The following UBE2B variants were observed in gnomAD, a reference collection of about 807,000 sequenced individuals.
UBE2B encodes the protein ubiquitin-conjugating enzyme E2 B.
UBE2B carries 11 observed loss-of-function variants against 24.6 expected under a neutral mutation model. The observed-to-expected ratio is 0.45, with a 90% confidence interval of 0.28 to 0.74. The LOEUF (loss-of-function observed/expected upper bound fraction) is 0.74, where lower values mean the gene tolerates loss of function less well. Among genes scored for constraint, UBE2B ranks in the 30% least tolerant of loss-of-function variants. UBE2B has a pLI of 0.13. For missense variants in UBE2B, 78 were observed against 185.6 expected (o/e 0.42, Z 3.37); for synonymous variants, 68 against 62.4 (o/e 1.09, Z -0.42).
chr5:134,372,026 G>A (rs971584034), intron 1 of UBE2B, among the ~76,000 whole-genome samples: 1 of 152,178 alleles, frequency 6.6e-6, no homozygotes, highest in East Asian at 1.9e-4. Context: ...GTTCCTCTCC[G>A]GCAGCACCAG....
In UBE2B at chr5:134,378,290, C is replaced by T. The variant is rs190075215; in HGVS notation, c.151+1596C>T. ...TTTGTTTGTTTTTTGTTTTTTGTCT[C>T]GCTCTCTCACCCAGGCTGGAGTGCA... On this transcript the variant is annotated intron_variant, in intron 3 of 5. Transcript: ENST00000265339. Among the ~76,000 whole-genome samples, 51 of 152,008 alleles carry T rather than the reference C, an allele frequency of 3.4e-4. No individual in the cohort carries two copies. In the East Asian group the frequency reaches 9.3e-3, roughly 28 times the overall value.
intron 3 of UBE2B, among the ~76,000 whole-genome samples, chr5:134,379,384 G>A (rs1360690706): frequency 6.6e-6 from 1 of 152,108 alleles, no homozygotes; most frequent in African/African-American, 2.4e-5. Flanking sequence ...AGTGGTTCAT[G>A]CCTGTAATCC....
chr5:134,388,953 T>G lies in UBE2B; in HGVS notation c.330+540T>G, dbSNP rs1464474734. 1.6e-4 allele frequency: 54 copies of G among 343,538 alleles called. 1 individual carries two copies. The highest frequency in any genetic ancestry group is 9.7e-4 in the Admixed American group (23 of 23,714). The allele number at this position is 343,538 out of a possible 1,614,324, so 21.3% of individuals were successfully genotyped here. The stretch of plus-strand genomic sequence containing the variant: ...TCTCACACTTCTTTAATTGTTTTTT[T>G]TTTTTTTTTTTTTTTTGAGACAGTG... On this transcript the variant is annotated intron_variant, in intron 5 of 5. Coordinates refer to ENST00000265339, the MANE Select transcript of UBE2B (RefSeq NM_003337.4).
intron 2 of UBE2B, among the ~76,000 whole-genome samples, chr5:134,375,257 T>C: frequency 6.6e-6 from 1 of 152,356 alleles, no homozygotes; most frequent in Admixed American, 6.5e-5. Context: ...TGAGAAGCAG[T>C]TGTAAATTTT....
Position 134,374,540 on chromosome 5 carries a change from A to G in UBE2B, c.125+77A>G, listed in dbSNP as rs1215043768. ...AGTAAACATATAACAACTGTCTAGG[A>G]AAAGAAACTGAGGTGGAATGAGAGA... is the stretch of plus-strand genomic sequence containing the variant. On this transcript the variant is annotated intron_variant, in intron 2 of 5. Coordinates refer to ENST00000265339, the MANE Select transcript of UBE2B (RefSeq NM_003337.4). 2.1e-6 allele frequency: 3 copies of G among 1,440,732 alleles called. No homozygotes were observed. In the Admixed American group the frequency reaches 5.9e-5, roughly 28 times the overall value. 89.2% of individuals were successfully genotyped at this position (1,440,732 alleles called of 1,614,324 possible).
At chr5:134,374,133 T>C (rs1361819403) in intron 1 of UBE2B, among the ~76,000 whole-genome samples, 1 of 152,208 alleles carries the variant, frequency 6.6e-6, no homozygotes, top group East Asian at 1.9e-4. Flanking sequence ...CATCAATTCT[T>C]GAAGAGATAA....
intron 3 of UBE2B, among the ~76,000 whole-genome samples, chr5:134,377,618 G>T (rs768082571): frequency 1.8e-4 from 28 of 152,090 alleles, no homozygotes; most frequent in Non-Finnish European, 3.7e-4. Flanking sequence ...ATCTGTGGGG[G>T]GGGTAAGGAG....
chr5:134,379,477 C>G (rs1412504369), intron 3 of UBE2B, among the ~76,000 whole-genome samples: 1 of 151,904 alleles, frequency 6.6e-6, no homozygotes. Flanking sequence ...GAAACGTCGT[C>G]TCTACTAAAA....
At chr5:134,385,825 A>G (rs1401193531) in intron 4 of UBE2B, among the ~76,000 whole-genome samples, 1 of 151,942 alleles carries the variant, frequency 6.6e-6, no homozygotes, top group African/African-American at 2.4e-5. Context: ...TAGCCTGGCC[A>G]GCATAGTGAA....
At chr5:134,388,285 A>T in intron 4 of UBE2B, 40 bp from the exon 5 acceptor site, 1 of 1,531,206 alleles carries the variant, frequency 6.5e-7, no homozygotes, top group Non-Finnish European at 9.0e-7. Flanking sequence ...ACTGTTAGAT[A>T]TGGCAGAGTG....
intron 5 of UBE2B, among the ~76,000 whole-genome samples, chr5:134,389,706 C>T (rs1057508526): frequency 6.6e-6 from 1 of 152,094 alleles, no homozygotes; most frequent in Non-Finnish European, 1.5e-5. Context: ...GCCACCACAC[C>T]CGGCTAATTT....
chr5:134,372,134 G>A (rs1758460370), intron 1 of UBE2B, among the ~76,000 whole-genome samples: 2 of 152,218 alleles, frequency 1.3e-5, no homozygotes, highest in African/African-American at 4.8e-5. Flanking sequence ...TGTGCCCTGA[G>A]GGTGGGGTCC....
chr5:134,381,618 G>T (rs1758711294), intron 4 of UBE2B, among the ~76,000 whole-genome samples: 1 of 152,036 alleles, frequency 6.6e-6, no homozygotes, highest in Non-Finnish European at 1.5e-5. Flanking sequence ...TTCCAAATTT[G>T]AGGTCAAGTT....
At chr5:134,388,129 T>C in intron 4 of UBE2B, 196 bp from the exon 5 acceptor site, 1 of 587,700 alleles carries the variant, frequency 1.7e-6, no homozygotes, top group South Asian at 2.0e-5. Context: ...AACATGAGAT[T>C]TGGAGGGAAC....
At chr5:134,388,731 C>A (rs904188135) in intron 5 of UBE2B, among the ~76,000 whole-genome samples, 1 of 151,812 alleles carries the variant, frequency 6.6e-6, no homozygotes, top group Non-Finnish European at 1.5e-5. Context: ...GTATGTTACC[C>A]CATCCAAGAA....
At position 134,390,838 on chromosome 5, in the gene UBE2B, C is replaced by A. The variant is rs1758886644; in HGVS notation, c.*485C>A. Reference sequence around the variant, plus strand: ...GAGGGGTTAATAAGTCTCTAGCTCTCCATCTATTGATAGTTTCATTTACAA... The same window carrying A: ...GAGGGGTTAATAAGTCTCTAGCTCTACATCTATTGATAGTTTCATTTACAA... On this transcript the variant is annotated 3_prime_UTR_variant, in exon 6 of 6. Coordinates refer to ENST00000265339, the MANE Select transcript of UBE2B (RefSeq NM_003337.4). The surrounding 1 kb of genome is among the most constrained non-coding windows in gnomAD (Gnocchi z 4.6). The A allele has an allele frequency of 6.4e-6, 1 of 155,248 alleles. No homozygotes were observed. The highest frequency in any genetic ancestry group is 2.4e-5 in the African/African-American group (1 of 41,452). The allele number at this position is 155,248 out of a possible 1,614,324, so 9.6% of individuals were successfully genotyped here.
At chr5:134,379,151 A>T (rs1758658814) in intron 3 of UBE2B, among the ~76,000 whole-genome samples, 1 of 152,184 alleles carries the variant, frequency 6.6e-6, no homozygotes, top group African/African-American at 2.4e-5. Context: ...TATTTTGCAG[A>T]TGTCCCATGA....
At chr5:134,372,625 A>G (rs190491475) in intron 1 of UBE2B, among the ~76,000 whole-genome samples, 1 of 152,298 alleles carries the variant, frequency 6.6e-6, no homozygotes, top group East Asian at 1.9e-4. Context: ...GCTATTATAA[A>G]GCCTATGTGA....
intron 4 of UBE2B, among the ~76,000 whole-genome samples, chr5:134,383,797 A>G (rs1484443056): frequency 6.6e-6 from 1 of 151,878 alleles, no homozygotes; most frequent in Non-Finnish European, 1.5e-5. Flanking sequence ...TATTATTTTG[A>G]TTGAGTTTTT....
Sources: gnomAD v4.1 joint callset for allele counts (sites outside exome capture counted in the v4.1 genomes callset) on GRCh38, gnomAD v4.1.1 for gene constraint, Gnocchi (gnomAD v3.1) non-coding constraint, MANE v1.5 for transcripts, NCBI Gene and HGNC (gene_info 2026-07-23, HGNC 2026-07-21) for gene names.